Variants in DGKH observed in about 807,000 individuals in gnomAD.
DGKH encodes diacylglycerol kinase eta.
In DGKH, 90 loss-of-function variants were observed where a neutral mutation model predicts 159.3. That is an observed-to-expected ratio of 0.57 (90% confidence interval 0.48 to 0.67). DGKH has a LOEUF of 0.67. Ranked by LOEUF, DGKH falls within the 30% of genes least tolerant of loss-of-function variation. The pLI, the probability that DGKH is intolerant of heterozygous loss-of-function variation, is 0.00. For synonymous variants in DGKH, 536 were observed against 553.8 expected (o/e 0.97, Z 0.45); for missense variants, 1,181 against 1,506.1 (o/e 0.78, Z 3.57).
intron 1 of DGKH, among the ~76,000 whole-genome samples, chr13:42,067,381 T>TTTTTCAACCATATTAA (rs1882655446): frequency 6.6e-6 from 1 of 152,180 alleles, no homozygotes; most frequent in South Asian, 2.1e-4. Context: ...AAATAGATAC[T>TTTTTCAACCATATTAA]AGTTTATGCT....
At position 42,210,613 on chromosome 13, in the gene DGKH, C is replaced by T. The variant is rs1957629983; in HGVS notation, c.2862C>T (p.Ser954=). 6.2e-7 allele frequency: 1 copy of T among 1,611,598 alleles called. No homozygotes were observed. Among genetic ancestry groups the T allele is most frequent in the South Asian group, 1.1e-5 (1 of 90,920 alleles). ...TTGACTTTAAATAGGCCTTTGAGAG[C>T]ACTCTGAAATCTTGGGAAGATAAGC... ...QMLTRDRAFE[S]TLKSWEDKQK... is the part of the protein sequence containing the mutation. Residue 954 remains serine, a synonymous_variant, in exon 24 of 30, where the codon AGC becomes AGT. Transcript: ENST00000337343.
intron 13 of DGKH, among the ~76,000 whole-genome samples, chr13:42,183,992 C>G (rs1956841404): frequency 6.6e-6 from 1 of 152,156 alleles, no homozygotes; most frequent in Non-Finnish European, 1.5e-5. Flanking sequence ...GGATAACTAG[C>G]TAGCAGGAAT....
Position 42,238,258 on chromosome 13 carries a change from G to A in DGKH, c.*9070G>A, listed in dbSNP as rs1958456567. 6.6e-6 allele frequency: 1 copy of A among 152,178 alleles called. No homozygotes were observed. The highest frequency in any genetic ancestry group is 1.5e-5 in the Non-Finnish European group (1 of 68,016). The allele number at this position is 152,178 out of a possible 1,614,324, so 9.4% of individuals were successfully genotyped here. A position where few individuals can be genotyped will look rare whatever the true frequency, so the allele number is the denominator to read the frequency against. ...CAGACAGTGAGGTTAGAAATTAGAA[G>A]TTCAAATTGATATCCCTGATGTTTA... On this transcript the variant is annotated 3_prime_UTR_variant, in exon 30 of 30. Coordinates refer to ENST00000337343, the MANE Select transcript of DGKH (RefSeq NM_178009.5).
At chr13:42,092,049 A>G (rs912274452) in intron 1 of DGKH, among the ~76,000 whole-genome samples, 1 of 152,148 alleles carries the variant, frequency 6.6e-6, no homozygotes, top group African/African-American at 2.4e-5. Context: ...TGTTCATTTC[A>G]CTTCAGTCAG....
chr13:42,191,889 C>T (rs762559581), intron 16 of DGKH, among the ~76,000 whole-genome samples: 55 of 152,190 alleles, frequency 3.6e-4, no homozygotes, highest in Non-Finnish European at 7.8e-4. Context: ...AAAATGTTTG[C>T]AATCATTAAA....
At chr13:42,146,912 T>A (rs1450339560) in intron 3 of DGKH, among the ~76,000 whole-genome samples, 1 of 152,214 alleles carries the variant, frequency 6.6e-6, no homozygotes, top group Non-Finnish European at 1.5e-5. Context: ...TTCAGAATTT[T>A]AAAAAATGCT....
chr13:42,053,905 C>T (rs1485736873), intron 1 of DGKH, among the ~76,000 whole-genome samples: 2 of 152,110 alleles, frequency 1.3e-5, no homozygotes, highest in African/African-American at 2.4e-5. Flanking sequence ...CAGGCGTGAG[C>T]CACCACGCCT....
intron 21 of DGKH, among the ~76,000 whole-genome samples, chr13:42,208,314 A>G (rs189957740): frequency 8.7e-4 from 132 of 152,310 alleles, no homozygotes; most frequent in Non-Finnish European, 1.4e-3. Context: ...GCCTACATAT[A>G]AAATTTTAGA....
At chr13:42,093,101 AG>A (rs1324087972) in intron 1 of DGKH, among the ~76,000 whole-genome samples, 1 of 151,908 alleles carries the variant, frequency 6.6e-6, no homozygotes, top group Non-Finnish European at 1.5e-5. Flanking sequence ...AAAATTAGCC[AG>A]GCATGGTGGC....
chr13:42,175,897 G>C (rs1203966641), intron 12 of DGKH, among the ~76,000 whole-genome samples: 1 of 152,146 alleles, frequency 6.6e-6, no homozygotes, highest in South Asian at 2.1e-4. Context: ...TTAGCTGTGG[G>C]TCTTAGGCAA....
At chr13:42,135,486 T>A (rs1376880661) in intron 3 of DGKH, among the ~76,000 whole-genome samples, 2 of 50,468 alleles carry the variant, frequency 4.0e-5, no homozygotes, top group East Asian at 4.1e-4. Flanking sequence ...AAAGACCCTG[T>A]CTCAGAAAAA....
chr13:42,194,938 A>G lies in DGKH; in HGVS notation c.2089A>G (p.Thr697Ala). ...CCGGGCAAGTTATGGCCATTCCCAA[A>G]CTGATTCTGTCCCTGGTCCAGCTGT... ...DARASYGHSQ[T>A]DSVPGPAVAA... Residue 697 changes from threonine to alanine, a missense_variant, in exon 17 of 30, where the codon ACT (threonine) becomes GCT (alanine). By Grantham distance (58) the Thr-to-Ala change is moderately conservative. This residue lies in a region of DGKH where 257 missense variants were observed against 281.5 expected (regional missense o/e 0.91). Transcript: ENST00000337343. 1 of 1,613,842 alleles carries G rather than the reference A, an allele frequency of 6.2e-7. No individual in the cohort carries two copies. Among genetic ancestry groups the G allele is most frequent in the African/African-American group, 1.3e-5 (1 of 74,876 alleles).
intron 3 of DGKH, among the ~76,000 whole-genome samples, 154 bp from the exon 4 acceptor site, chr13:42,155,137 C>T (rs1050057145): frequency 2.0e-5 from 3 of 152,168 alleles, no homozygotes; most frequent in Admixed American, 6.5e-5. Flanking sequence ...TAGGCTTTTT[C>T]TTTCCTAGAC....
At chr13:42,171,685 A>G (rs1956458134) in intron 11 of DGKH, among the ~76,000 whole-genome samples, 1 of 152,078 alleles carries the variant, frequency 6.6e-6, no homozygotes, top group Non-Finnish European at 1.5e-5. Context: ...CTTGCATCAT[A>G]CCTATTTTTT....
rs969547529 is a variant in DGKH at position 42,233,795 on chromosome 13, AG to A, written c.*4608del. The A allele has an allele frequency of 6.6e-6, 1 of 152,244 alleles. No individual in the cohort carries two copies. The highest frequency in any genetic ancestry group is 2.4e-5 in the African/African-American group (1 of 41,454). The allele number at this position is 152,244 out of a possible 1,614,324, so 9.4% of individuals were successfully genotyped here. ...ACAACTTAATCACGGGGGACATTTC[AG>A]AAAAATGTGTACTAAGTTAAAACCA... On this transcript the variant is annotated 3_prime_UTR_variant, in exon 30 of 30. Coordinates refer to ENST00000337343, the MANE Select transcript of DGKH (RefSeq NM_178009.5).
At position 42,231,691 on chromosome 13, in the gene DGKH, C is replaced by T. The variant is rs1046360699; in HGVS notation, c.*2503C>T. ...AAAAGAGTCTAGCTATGATGTGTCC[C>T]AAATTTAAGAGTGTGATGTGAAGGA... On this transcript the variant is annotated 3_prime_UTR_variant, in exon 30 of 30. Coordinates refer to ENST00000337343, the MANE Select transcript of DGKH (RefSeq NM_178009.5). 1.3e-5 allele frequency: 2 copies of T among 152,140 alleles called. No individual in the cohort carries two copies. The highest frequency in any genetic ancestry group is 1.3e-4 in the Admixed American group (2 of 15,280). 9.4% of individuals were successfully genotyped at this position (152,140 alleles called of 1,614,324 possible).
At chr13:42,148,944 C>T (rs969421454) in intron 3 of DGKH, among the ~76,000 whole-genome samples, 10 of 80,068 alleles carry the variant, frequency 1.2e-4, no homozygotes, top group Non-Finnish European at 1.7e-4. Flanking sequence ...CCCGCCCCTT[C>T]TTTTTTTTTT....
downstream of DGKH, among the ~76,000 whole-genome samples, chr13:42,246,757 G>A (rs1310192570): frequency 6.6e-6 from 1 of 152,128 alleles, no homozygotes; most frequent in Non-Finnish European, 1.5e-5. Context: ...CCTAATCCAT[G>A]CTGCTGTATC....
intron 15 of DGKH, 117 bp downstream of exon 15, chr13:42,189,426 A>G: frequency 1.5e-6 from 2 of 1,317,690 alleles, no homozygotes; most frequent in Non-Finnish European, 2.0e-6. Context: ...TTTTTAAGGC[A>G]AGATAGAAGA....
Sources: allele counts gnomAD v4.1 joint callset (sites outside exome capture counted in the v4.1 genomes callset), GRCh38; gene constraint gnomAD v4.1.1; regional missense constraint gnomAD v4.1.1; transcripts MANE v1.5; gene names NCBI Gene and HGNC (gene_info 2026-07-23, HGNC 2026-07-21).